MAML3: variants seen among roughly 807,000 people sequenced by gnomAD.
MAML3 encodes mastermind-like protein 3.
Under a neutral mutation model 101.9 loss-of-function variants are expected in MAML3, and 27 were observed. That is an observed-to-expected ratio of 0.27 (90% confidence interval 0.20 to 0.37). The LOEUF is 0.37. Ranked by LOEUF, MAML3 falls within the 10% of genes least tolerant of loss-of-function variation. The pLI is 1.00. For synonymous variants in MAML3, 501 were observed against 555.9 expected (o/e 0.90, Z 1.39); for missense variants, 1,316 against 1,444.9 (o/e 0.91, Z 1.45).
At chr4:139,857,036 G>C (rs1265587807) in intron 2 of MAML3, among the ~76,000 whole-genome samples, 1 of 152,186 alleles carries the variant, frequency 6.6e-6, no homozygotes, top group Non-Finnish European at 1.5e-5. Flanking sequence ...TAGGCATAAT[G>C]AAGTTTTTGT....
At chr4:140,132,951 C>T (rs190906679) in intron 1 of MAML3, 18 of 305,572 alleles carry the variant, frequency 5.9e-5, no homozygotes, top group Admixed American at 1.6e-4. Context: ...TTGGTCAGTC[C>T]ACTCTTTGAT....
intron 1 of MAML3, among the ~76,000 whole-genome samples, chr4:140,070,075 C>T (rs1159603083): frequency 6.6e-6 from 1 of 151,972 alleles, no homozygotes; most frequent in Non-Finnish European, 1.5e-5. Context: ...AAGATCACAC[C>T]ACTGCACTCC....
chr4:139,860,928 C>T (rs2667364), intron 2 of MAML3, among the ~76,000 whole-genome samples: 83,389 of 151,852 alleles, frequency 0.55, 25,764 homozygotes, highest in African/African-American at 0.83. Context: ...CATTTAGATC[C>T]CCAGTGTTGA....
chr4:139,967,810 G>A (rs1404605501), intron 1 of MAML3, among the ~76,000 whole-genome samples: 2 of 151,986 alleles, frequency 1.3e-5, no homozygotes, highest in African/African-American at 4.8e-5. Flanking sequence ...ATCTCACTCT[G>A]TATTGTTTTC....
intron 2 of MAML3, among the ~76,000 whole-genome samples, chr4:139,795,897 TTCTC>T (rs902438443): frequency 1.3e-5 from 2 of 152,238 alleles, no homozygotes; most frequent in Admixed American, 6.5e-5. Flanking sequence ...AATACACACA[TTCTC>T]TCTTTCTGTC....
intron 2 of MAML3, among the ~76,000 whole-genome samples, chr4:139,807,441 G>T (rs1730721269): frequency 6.6e-6 from 1 of 152,122 alleles, no homozygotes; most frequent in Admixed American, 6.5e-5. Flanking sequence ...GCCATCTTTG[G>T]TTCAGTACAC....
In MAML3 at chr4:139,718,708, G is replaced by T. The variant is rs1728097232; in HGVS notation, c.*615C>A. On this transcript the variant is annotated 3_prime_UTR_variant, in exon 5 of 5. Transcript: ENST00000509479. The stretch of plus-strand genomic sequence containing the variant: ...GTCATCATGGGGCAGGAGACAGACA[G>T]TCCTGTAGGATCTGTGGTTGTCTCC... 1 of 152,890 alleles carries T rather than the reference G, an allele frequency of 6.5e-6. No homozygotes were observed. The highest frequency in any genetic ancestry group is 2.4e-5 in the African/African-American group (1 of 41,464). 9.5% of individuals were successfully genotyped at this position (152,890 alleles called of 1,614,324 possible).
At chr4:140,138,998 A>G (rs998106603) in intron 1 of MAML3, among the ~76,000 whole-genome samples, 5 of 152,238 alleles carry the variant, frequency 3.3e-5, no homozygotes, top group Non-Finnish European at 7.3e-5. Flanking sequence ...TAGGCCAGGC[A>G]GAGTGGCTCA....
intron 1 of MAML3, among the ~76,000 whole-genome samples, chr4:140,098,994 C>T (rs967004276): frequency 2.4e-4 from 36 of 152,238 alleles, no homozygotes; most frequent in African/African-American, 7.9e-4. Context: ...CTTGATGTCT[C>T]GGTCTGTTCC....
At chr4:139,968,754 A>G (rs1734184254) in intron 1 of MAML3, among the ~76,000 whole-genome samples, 1 of 152,042 alleles carries the variant, frequency 6.6e-6, no homozygotes, top group Non-Finnish European at 1.5e-5. Context: ...CTTAACTACC[A>G]TCTCTCAGTA....
intron 1 of MAML3, among the ~76,000 whole-genome samples, chr4:140,089,127 T>A (rs977997973): frequency 6.6e-6 from 1 of 152,234 alleles, no homozygotes; most frequent in African/African-American, 2.4e-5. Context: ...GAAGCTCTAT[T>A]ATCATATCAT....
chr4:140,112,428 A>G (rs895123153), intron 1 of MAML3, among the ~76,000 whole-genome samples: 4 of 152,234 alleles, frequency 2.6e-5, no homozygotes, highest in African/African-American at 7.2e-5. Flanking sequence ...ATAAGCATCA[A>G]TCTGTTCAGT....
intron 1 of MAML3, among the ~76,000 whole-genome samples, chr4:139,910,949 T>A (rs892947500): frequency 6.6e-6 from 1 of 152,166 alleles, no homozygotes; most frequent in Non-Finnish European, 1.5e-5. Context: ...TGGCATTAAG[T>A]ACATTCACAC....
intron 2 of MAML3, among the ~76,000 whole-genome samples, chr4:139,844,430 T>A (rs1171048102): frequency 1.3e-5 from 2 of 152,080 alleles, no homozygotes; most frequent in Non-Finnish European, 2.9e-5. Context: ...TGTGCTGTCT[T>A]TTTCTTGGCA....
intron 2 of MAML3, among the ~76,000 whole-genome samples, chr4:139,731,786 C>A (rs1176148082): frequency 6.6e-6 from 1 of 152,164 alleles, no homozygotes; most frequent in Non-Finnish European, 1.5e-5. Flanking sequence ...CCACACAGCC[C>A]AGGTGACTAC....
At chr4:140,112,921 T>C (rs1336370320) in intron 1 of MAML3, among the ~76,000 whole-genome samples, 1 of 152,244 alleles carries the variant, frequency 6.6e-6, no homozygotes, top group Non-Finnish European at 1.5e-5. Context: ...TTGCATGCAA[T>C]GCTCAGAAGC....
At chr4:139,978,844 T>C (rs1734393877) in intron 1 of MAML3, among the ~76,000 whole-genome samples, 2 of 152,050 alleles carry the variant, frequency 1.3e-5, no homozygotes, top group African/African-American at 4.8e-5. Flanking sequence ...ACTGGCTATA[T>C]AGCAGGAAAC....
chr4:140,094,239 A>C (rs971994713), intron 1 of MAML3, among the ~76,000 whole-genome samples: 6 of 152,174 alleles, frequency 3.9e-5, no homozygotes, highest in African/African-American at 1.4e-4. Flanking sequence ...CATGCATGGA[A>C]AAGGTCTGAA....
intron 1 of MAML3, among the ~76,000 whole-genome samples, chr4:139,956,986 T>G (rs1733927944): frequency 6.6e-6 from 1 of 152,174 alleles, no homozygotes; most frequent in Non-Finnish European, 1.5e-5. Context: ...TTTTGCACAC[T>G]TACTAAATGT....
Sources: gnomAD v4.1 joint callset for allele counts (sites outside exome capture counted in the v4.1 genomes callset) on GRCh38, gnomAD v4.1.1 for gene constraint, MANE v1.5 for transcripts, NCBI Gene and HGNC (gene_info 2026-07-23, HGNC 2026-07-21) for gene names.